The following DLGAP1 variants were observed in gnomAD, a reference collection of about 807,000 sequenced individuals.
DLGAP1 encodes the protein disks large-associated protein 1.
DLGAP1 carries 11 observed loss-of-function variants against 90.8 expected under a neutral mutation model. The ratio of observed to expected loss-of-function variants is 0.12; its 90% confidence interval spans 0.08 to 0.20. The LOEUF (loss-of-function observed/expected upper bound fraction) is 0.20, where lower values mean the gene tolerates loss of function less well. DLGAP1 is among the 10% of genes least tolerant of loss of function. The probability of loss-of-function intolerance (pLI) is 1.00; values close to 1 mark genes in which losing one functional copy is unlikely to be tolerated. For synonymous variants in DLGAP1, 558 were observed against 540.7 expected (o/e 1.03, Z -0.44); for missense variants, 1,050 against 1,333.8 (o/e 0.79, Z 3.31).
chr18:3,705,400 C>T (rs998609378), intron 7 of DLGAP1, among the ~76,000 whole-genome samples: 6 of 150,716 alleles, frequency 4.0e-5, no homozygotes, highest in African/African-American at 1.5e-4. Context: ...TTGTATGGTG[C>T]AGTATTATAG....
chr18:3,870,964 T>C (rs2070716419), intron 4 of DLGAP1, among the ~76,000 whole-genome samples: 1 of 152,258 alleles, frequency 6.6e-6, no homozygotes, highest in Non-Finnish European at 1.5e-5. Context: ...AGTTAATCTT[T>C]GCCTCTTCTG....
rs151318810 is a variant in DLGAP1 at position 4,055,465 on chromosome 18, G to A, written c.-158-50264C>T. 3.3e-5 allele frequency among the ~76,000 whole-genome samples: 5 copies of A among 152,208 alleles called. No homozygotes were observed. The East Asian group carries it at 7.7e-4, about 23-fold the overall frequency. On this transcript the variant is annotated intron_variant, in intron 2 of 12. Coordinates refer to ENST00000315677, the MANE Select transcript of DLGAP1 (RefSeq NM_004746.4). Reference sequence around the variant, plus strand: ...CCACCCTCAAGTGGGCCCCGGTGTCGTCTGTTGTTCTCTTCTTTGCGTCCA... The same window carrying A: ...CCACCCTCAAGTGGGCCCCGGTGTCATCTGTTGTTCTCTTCTTTGCGTCCA...
intron 3 of DLGAP1, among the ~76,000 whole-genome samples, chr18:3,958,460 C>CAAAAAA (rs71160925): frequency 7.2e-5 from 7 of 97,226 alleles, no homozygotes; most frequent in Non-Finnish European, 1.0e-4. Context: ...TTAGGATAAG[C>CAAAAAA]AAAAAAAAAA....
At chr18:3,973,924 A>G (rs1414823525) in intron 3 of DLGAP1, among the ~76,000 whole-genome samples, 1 of 152,046 alleles carries the variant, frequency 6.6e-6, no homozygotes, top group Non-Finnish European at 1.5e-5. Context: ...AGCCTACCAC[A>G]CTCTCAGGCT....
intron 4 of DLGAP1, among the ~76,000 whole-genome samples, chr18:3,855,396 A>G (rs2069578562): frequency 6.6e-6 from 1 of 152,170 alleles, no homozygotes; most frequent in South Asian, 2.1e-4. Flanking sequence ...CAATTTGCCT[A>G]TGTAATAAAC....
At chr18:3,641,612 C>G (rs971023401) in intron 7 of DLGAP1, among the ~76,000 whole-genome samples, 2 of 150,238 alleles carry the variant, frequency 1.3e-5, no homozygotes, top group Non-Finnish European at 3.0e-5. Context: ...CACACACACA[C>G]AGACACACAC....
chr18:3,600,801 GATAT>G (rs753258729), intron 7 of DLGAP1, among the ~76,000 whole-genome samples: 2 of 15,434 alleles, frequency 1.3e-4, no homozygotes, highest in African/African-American at 3.2e-4. Context: ...TAGATATATA[GATAT>G]ATAGATATAT....
intron 1 of DLGAP1, among the ~76,000 whole-genome samples, chr18:4,265,396 C>G (rs528942045): frequency 4.7e-4 from 71 of 151,832 alleles, no homozygotes; most frequent in Non-Finnish European, 9.3e-4. Flanking sequence ...GTCTCAACCT[C>G]CTGACCTTGT....
At chr18:3,680,757 C>G (rs1049204807) in intron 7 of DLGAP1, among the ~76,000 whole-genome samples, 18 of 141,672 alleles carry the variant, frequency 1.3e-4, no homozygotes, top group Non-Finnish European at 1.9e-4. Context: ...CCACTGCACT[C>G]CAGCCTGGAA....
chr18:4,363,225 A>G (rs531971438), intron 1 of DLGAP1, among the ~76,000 whole-genome samples: 1 of 152,278 alleles, frequency 6.6e-6, no homozygotes, highest in Admixed American at 6.5e-5. Flanking sequence ...GCACACAGGG[A>G]AAACAAGGAA....
At chr18:4,338,641 T>A (rs2081123810) in intron 1 of DLGAP1, among the ~76,000 whole-genome samples, 1 of 152,228 alleles carries the variant, frequency 6.6e-6, no homozygotes, top group Non-Finnish European at 1.5e-5. Context: ...TAGAGGAGTG[T>A]ACATTCTTTG....
chr18:3,973,100 G>T (rs988503569), intron 3 of DLGAP1, among the ~76,000 whole-genome samples: 5 of 151,870 alleles, frequency 3.3e-5, no homozygotes, highest in African/African-American at 1.2e-4. Context: ...GGACTATTAA[G>T]GTATTATCAT....
intron 2 of DLGAP1, among the ~76,000 whole-genome samples, chr18:4,055,959 G>T (rs533033561): frequency 6.7e-6 from 1 of 148,608 alleles, no homozygotes; most frequent in Admixed American, 6.7e-5. Flanking sequence ...GTTAATAAAA[G>T]AAAACGACTC....
chr18:3,903,625 A>G (rs896687752), intron 3 of DLGAP1, among the ~76,000 whole-genome samples: 5 of 152,182 alleles, frequency 3.3e-5, no homozygotes, highest in African/African-American at 1.2e-4. Flanking sequence ...TAAGAGCCAT[A>G]TTTACAGCAT....
intron 7 of DLGAP1, among the ~76,000 whole-genome samples, chr18:3,716,770 C>T (rs1362831129): frequency 6.6e-6 from 1 of 151,768 alleles, no homozygotes; most frequent in Non-Finnish European, 1.5e-5. Flanking sequence ...TTCCCATGTC[C>T]TGTGGATTTC....
chr18:4,075,963 C>G (rs1005820422), intron 2 of DLGAP1, among the ~76,000 whole-genome samples: 7 of 152,140 alleles, frequency 4.6e-5, no homozygotes, highest in African/African-American at 1.7e-4. Context: ...TCCGCTATAG[C>G]TCTAGGGCTC....
At chr18:3,715,023 C>T in intron 7 of DLGAP1, among the ~76,000 whole-genome samples, 1 of 152,138 alleles carries the variant, frequency 6.6e-6, no homozygotes, top group East Asian at 1.9e-4. Flanking sequence ...AGTAACTTGT[C>T]CTACAAAATA....
At chr18:3,533,988 C>A (rs2052174063) in intron 10 of DLGAP1, among the ~76,000 whole-genome samples, 1 of 152,126 alleles carries the variant, frequency 6.6e-6, no homozygotes, top group Non-Finnish European at 1.5e-5. Flanking sequence ...AGTGTTATAT[C>A]TACCCAGGAG....
At chr18:4,105,378 C>T (rs1322945670) in intron 2 of DLGAP1, among the ~76,000 whole-genome samples, 1 of 152,140 alleles carries the variant, frequency 6.6e-6, no homozygotes, top group African/African-American at 2.4e-5. Flanking sequence ...GAAAGGAAAA[C>T]CAATGTAACT....
Sources: allele counts gnomAD v4.1 joint callset (sites outside exome capture counted in the v4.1 genomes callset), GRCh38; gene constraint gnomAD v4.1.1; transcripts MANE v1.5; gene names NCBI Gene and HGNC (gene_info 2026-07-23, HGNC 2026-07-21).